PRKCB: variants seen among roughly 807,000 people sequenced by gnomAD.
The protein encoded by PRKCB is protein kinase C beta.
In PRKCB, 13 loss-of-function variants were observed where a neutral mutation model predicts 81.5. The ratio of observed to expected loss-of-function variants is 0.16; its 90% CI spans 0.10 to 0.25. The LOEUF (loss-of-function observed/expected upper bound fraction) is 0.25. Among genes scored for constraint, PRKCB ranks in the 10% least tolerant of loss-of-function variants. The probability of loss-of-function intolerance (pLI) is 1.00; values close to 1 mark genes in which losing one functional copy is unlikely to be tolerated. For synonymous variants in PRKCB, 335 were observed against 321.4 expected, an observed-to-expected ratio of 1.04 and a Z score of -0.45; for missense variants, 509 against 875.7, an observed-to-expected ratio of 0.58 and a Z score of 5.29.
intron 9 of PRKCB, among the ~76,000 whole-genome samples, chr16:24,148,620 C>G (rs1046517423): frequency 1.3e-5 from 2 of 152,166 alleles, no homozygotes; most frequent in Non-Finnish European, 2.9e-5. Flanking sequence ...GCATGCATAA[C>G]CAAACCCAAG....
At chr16:23,997,337 G>A (rs368625227) in intron 3 of PRKCB, among the ~76,000 whole-genome samples, 52 of 152,310 alleles carry the variant, frequency 3.4e-4, no homozygotes, top group African/African-American at 1.2e-3. Context: ...TAAGATCAAT[G>A]AAAAACTACA....
intron 3 of PRKCB, among the ~76,000 whole-genome samples, chr16:23,990,457 C>T (rs1215076562): frequency 2.2e-5 from 3 of 138,450 alleles, no homozygotes; most frequent in South Asian, 2.3e-4. Context: ...GACTCTGTCT[C>T]GAAAAAAAAG....
chr16:24,174,863 C>A (rs1321260269), intron 12 of PRKCB: 1 of 334,984 alleles, frequency 3.0e-6, no homozygotes, highest in African/African-American at 2.1e-5. Context: ...CAGAGAGGAC[C>A]TCAGTACTTC....
intron 2 of PRKCB, among the ~76,000 whole-genome samples, chr16:23,850,155 T>C (rs997042215): frequency 1.6e-4 from 24 of 152,124 alleles, no homozygotes; most frequent in African/African-American, 5.6e-4. Context: ...ATTTCTCTCT[T>C]TTTTTTAAAG....
intron 3 of PRKCB, among the ~76,000 whole-genome samples, chr16:24,018,236 A>G (rs560700606): frequency 6.6e-6 from 1 of 152,248 alleles, no homozygotes; most frequent in South Asian, 2.1e-4. Context: ...GTAGAGATAG[A>G]GACAAGATAT....
chr16:24,120,888 C>T (rs1310003390), intron 8 of PRKCB, among the ~76,000 whole-genome samples: 4 of 152,150 alleles, frequency 2.6e-5, no homozygotes, highest in Non-Finnish European at 5.9e-5. Context: ...CACACACCAC[C>T]ATGCCTGGCT....
intron 2 of PRKCB, among the ~76,000 whole-genome samples, chr16:23,841,266 G>A (rs2141074202): frequency 6.6e-6 from 1 of 152,094 alleles, no homozygotes; most frequent in Non-Finnish European, 1.5e-5. Context: ...TTTTAGTAGA[G>A]ATGGGGTTTC....
At chr16:23,837,809 C>T (rs1055357274) in intron 2 of PRKCB, among the ~76,000 whole-genome samples, 6 of 152,232 alleles carry the variant, frequency 3.9e-5, no homozygotes, top group African/African-American at 1.4e-4. Flanking sequence ...TCTGCCTCTC[C>T]CTGCCTTGCA....
chr16:24,014,541 C>T (rs1965251403), intron 3 of PRKCB, among the ~76,000 whole-genome samples: 1 of 152,142 alleles, frequency 6.6e-6, no homozygotes, highest in Non-Finnish European at 1.5e-5. Flanking sequence ...GTGACTTGCC[C>T]AAGATCACAG....
chr16:24,094,135 C>A (rs986359529), intron 6 of PRKCB, 28 bp from the exon 7 acceptor site: 2 of 1,609,006 alleles, frequency 1.2e-6, no homozygotes, highest in South Asian at 1.1e-5. Context: ...ACAACCTCCA[C>A]TGATGTCTTT....
chr16:24,019,756 C>T (rs560978407), intron 3 of PRKCB, among the ~76,000 whole-genome samples: 192 of 150,864 alleles, frequency 1.3e-3, no homozygotes, highest in African/African-American at 4.5e-3. Context: ...AAAGTGAGGC[C>T]TTGCCTAAAA....
intron 9 of PRKCB, among the ~76,000 whole-genome samples, chr16:24,148,517 A>G (rs879806191): frequency 3.3e-5 from 5 of 152,188 alleles, no homozygotes; most frequent in Non-Finnish European, 5.9e-5. Flanking sequence ...AAAACTAGGA[A>G]AGTTGATGCA....
chr16:23,905,998 T>C (rs2141727711), intron 2 of PRKCB, among the ~76,000 whole-genome samples: 1 of 152,338 alleles, frequency 6.6e-6, no homozygotes, highest in East Asian at 1.9e-4. Flanking sequence ...CTTTAGCTAT[T>C]ATAAACAATA....
At chr16:24,050,509 A>G (rs1179544348) in intron 5 of PRKCB, among the ~76,000 whole-genome samples, 5 of 151,666 alleles carry the variant, frequency 3.3e-5, no homozygotes, top group African/African-American at 1.2e-4. Context: ...AACAAGCACA[A>G]ACTCACAAAC....
At chr16:24,102,416 A>G (rs1966520739) in intron 7 of PRKCB, among the ~76,000 whole-genome samples, 1 of 152,182 alleles carries the variant, frequency 6.6e-6, no homozygotes, top group African/African-American at 2.4e-5. Flanking sequence ...TGCCCCTGGG[A>G]TTCTTTGAAC....
chr16:24,003,388 T>G (rs974631905), intron 3 of PRKCB, among the ~76,000 whole-genome samples: 2 of 18,850 alleles, frequency 1.1e-4, no homozygotes, highest in Non-Finnish European at 1.9e-4. Flanking sequence ...CTGCATTCGT[T>G]TTTTTTTTTT....
Position 23,928,489 on chromosome 16 carries a change from C to A in PRKCB, c.206-60019C>A, listed in dbSNP as rs889371012. ...CTCTGGTATGCATGCAGTCGGGGAC[C>A]CTCTGATGAATGGAACTCAGGCCTT... On this transcript the variant is annotated intron_variant, in intron 2 of 16. Coordinates refer to ENST00000643927, the MANE Select transcript of PRKCB (RefSeq NM_002738.7). 7.2e-5 allele frequency among the ~76,000 whole-genome samples: 11 copies of A among 152,058 alleles called. 1 individual carries two copies. The highest frequency in any genetic ancestry group is 2.1e-4 in the South Asian group (1 of 4,822).
chr16:23,881,345 C>A (rs552455380), intron 2 of PRKCB, among the ~76,000 whole-genome samples: 2 of 151,826 alleles, frequency 1.3e-5, no homozygotes, highest in Non-Finnish European at 2.9e-5. Context: ...ATTTGCCTCC[C>A]AGGTTCAAGC....
At chr16:23,993,547 T>C (rs2141825334) in intron 3 of PRKCB, among the ~76,000 whole-genome samples, 1 of 152,324 alleles carries the variant, frequency 6.6e-6, no homozygotes, top group East Asian at 1.9e-4. Flanking sequence ...GAAAGGTATG[T>C]CTCTGTCAAT....
Sources: gnomAD v4.1 joint callset for allele counts (sites outside exome capture counted in the v4.1 genomes callset) on GRCh38, gnomAD v4.1.1 for gene constraint, MANE v1.5 for transcripts, NCBI Gene and HGNC (gene_info 2026-07-23, HGNC 2026-07-21) for gene names.